The following PBX3 variants were observed in gnomAD, a reference collection of about 807,000 sequenced individuals.
The protein encoded by PBX3 is PBX homeobox 3, also known as pre-B-cell leukemia transcription factor 3.
A neutral mutation model predicts 48.5 loss-of-function variants in PBX3; 14 were observed. The ratio of observed to expected loss-of-function variants is 0.29; its 90% CI spans 0.19 to 0.45. PBX3 has a LOEUF of 0.45. Ranked by LOEUF, PBX3 falls within the 20% of genes least tolerant of loss-of-function variation. The probability of loss-of-function intolerance (pLI) is 1.00; values close to 1 mark genes in which losing one functional copy is unlikely to be tolerated. For synonymous variants in PBX3, 210 were observed against 200.3 expected, an observed-to-expected ratio of 1.05 and a Z score of -0.41; for missense variants, 386 against 546.7, an observed-to-expected ratio of 0.71 and a Z score of 2.93.
intron 2 of PBX3, among the ~76,000 whole-genome samples, chr9:125,780,431 C>A (rs1165252563): frequency 1.5e-5 from 2 of 129,334 alleles, no homozygotes; most frequent in African/African-American, 6.0e-5. Context: ...CCCCCCACCT[C>A]CCTCCCAGAC....
chr9:125,828,075 A>G (rs781548894), intron 2 of PBX3, among the ~76,000 whole-genome samples: 9 of 152,200 alleles, frequency 5.9e-5, no homozygotes, highest in Non-Finnish European at 1.2e-4. Context: ...TTTGCTGGAT[A>G]TAATGATGTG....
chr9:125,834,060 G>T (rs1192423318), intron 2 of PBX3, among the ~76,000 whole-genome samples: 1 of 152,120 alleles, frequency 6.6e-6, no homozygotes, highest in Non-Finnish European at 1.5e-5. Context: ...TCTAGATGTT[G>T]GGAATACAGC....
chr9:125,918,615 C>A (rs568413635), intron 3 of PBX3, among the ~76,000 whole-genome samples: 2 of 152,194 alleles, frequency 1.3e-5, no homozygotes, highest in South Asian at 4.1e-4. Flanking sequence ...TATATAAAAT[C>A]TGTACAGTAG....
chr9:125,929,867 T>C, intron 4 of PBX3, 22 bp downstream of exon 4: 2 of 1,534,388 alleles, frequency 1.3e-6, no homozygotes, highest in Non-Finnish European at 9.0e-7. Context: ...CATAAATCTA[T>C]TGCATGGCTT....
chr9:125,906,978 T>G (rs996982859), intron 2 of PBX3, among the ~76,000 whole-genome samples: 6 of 152,046 alleles, frequency 3.9e-5, no homozygotes, highest in African/African-American at 1.4e-4. Context: ...CCATTTACTT[T>G]CTATGTGTTT....
chr9:125,861,012 G>A (rs1369623298), intron 2 of PBX3, among the ~76,000 whole-genome samples: 1 of 151,812 alleles, frequency 6.6e-6, no homozygotes, highest in Non-Finnish European at 1.5e-5. Context: ...GCCAGGCATG[G>A]TGGCTCATCA....
At chr9:125,753,397 C>T (rs1398225772) in intron 2 of PBX3, among the ~76,000 whole-genome samples, 1 of 151,434 alleles carries the variant, frequency 6.6e-6, no homozygotes, top group East Asian at 1.9e-4. Context: ...CTTCCATTTC[C>T]ATCCTAACAA....
In PBX3 at chr9:125,747,373, C is replaced by T. The variant is rs1298075131; in HGVS notation, c.-81C>T. ...CCCCCTCCCCCTCCCCCTCTTTCTT[C>T]TCCTCCCTCGTCGCCGCCGCCGCCG... On this transcript the variant is annotated 5_prime_UTR_variant, in exon 1 of 9. Transcript: ENST00000373489. 2.3e-5 allele frequency: 8 copies of T among 343,654 alleles called. No homozygotes were observed. In the South Asian group the frequency reaches 2.7e-4, roughly 12 times the overall value. The allele number at this position is 343,654 out of a possible 1,614,324, so 21.3% of individuals were successfully genotyped here. A position where few individuals can be genotyped will look rare whatever the true frequency, so the allele number is the denominator to read the frequency against.
At chr9:125,963,154 C>T (rs535408971) in intron 8 of PBX3, 53 bp downstream of exon 8, 2 of 965,910 alleles carry the variant, frequency 2.1e-6, no homozygotes, top group East Asian at 5.2e-5. Flanking sequence ...TAAACAGTGA[C>T]TAATAAAGAA....
rs1310665296 is a variant in PBX3 at position 125,910,403 on chromosome 9, A to G, written c.275-5283A>G. Among the ~76,000 whole-genome samples the G allele has an allele frequency of 3.3e-5, 5 of 152,096 alleles. 1 individual carries two copies. Among genetic ancestry groups the G allele is most frequent in the Non-Finnish European group, 7.4e-5 (5 of 68,014 alleles). On this transcript the variant is annotated intron_variant, in intron 2 of 8. Coordinates refer to ENST00000373489, the MANE Select transcript of PBX3 (RefSeq NM_006195.6). ...TTCACTGTAATATATGGTAAGAGAC[A>G]AGTAGCTCTTTATGGCCAGTGATTA...
chr9:125,899,400 A>C (rs916921983), intron 2 of PBX3, among the ~76,000 whole-genome samples: 33 of 137,590 alleles, frequency 2.4e-4, no homozygotes, highest in African/African-American at 7.4e-4. Context: ...TAAATATACA[A>C]ATATATGTAT....
At position 125,781,060 on chromosome 9, in the gene PBX3, C is replaced by T. The variant is rs1392166177; in HGVS notation, c.274+32437C>T. On this transcript the variant is annotated intron_variant, in intron 2 of 8. Coordinates refer to ENST00000373489, the MANE Select transcript of PBX3 (RefSeq NM_006195.6). ...ACTGGGCAGCCAGGCAGAGGGGCTC[C>T]TCACGTCCCAGACGATGGGCAGCCA... Among the ~76,000 whole-genome samples, 85 of 139,444 alleles carry T rather than the reference C, an allele frequency of 6.1e-4. 1 individual carries two copies. Among genetic ancestry groups the T allele is most frequent in the Non-Finnish European group, 8.6e-4 (56 of 65,472 alleles). 91.5% of individuals were successfully genotyped at this position (139,444 alleles called of 152,430 possible).
chr9:125,895,041 C>G (rs116521611), intron 2 of PBX3, among the ~76,000 whole-genome samples: 311 of 152,136 alleles, frequency 2.0e-3, no homozygotes, highest in Non-Finnish European at 3.6e-3. Context: ...GTGTCAGTCT[C>G]CTCAAAAAAG....
At chr9:125,801,790 T>TACAC (rs367989628) in intron 2 of PBX3, among the ~76,000 whole-genome samples, 8,402 of 146,208 alleles carry the variant, frequency 0.057, 261 homozygotes, top group Middle Eastern at 0.089. Flanking sequence ...TGTATACACA[T>TACAC]ACACACACAC....
intron 3 of PBX3, among the ~76,000 whole-genome samples, chr9:125,922,962 C>T (rs1276895039): frequency 2.0e-5 from 3 of 151,752 alleles, no homozygotes; most frequent in African/African-American, 4.9e-5. Flanking sequence ...AGCTAAAGTG[C>T]ACACTACATA....
At chr9:125,856,245 G>A (rs1489271890) in intron 2 of PBX3, among the ~76,000 whole-genome samples, 2 of 152,060 alleles carry the variant, frequency 1.3e-5, no homozygotes, top group African/African-American at 4.8e-5. Flanking sequence ...CCCAAGTGGG[G>A]CCTCTTTTTG....
chr9:125,902,617 A>T (rs1419715666), intron 2 of PBX3, among the ~76,000 whole-genome samples: 1 of 151,760 alleles, frequency 6.6e-6, no homozygotes, highest in Non-Finnish European at 1.5e-5. Context: ...TGATGAAAAT[A>T]TTTCAATATG....
At chr9:125,937,009 C>T (rs1000049935) in intron 5 of PBX3, among the ~76,000 whole-genome samples, 4 of 152,254 alleles carry the variant, frequency 2.6e-5, no homozygotes, top group South Asian at 2.1e-4. Context: ...TGCCGAACAC[C>T]GGATGATGAT....
At chr9:125,912,125 A>G (rs888457007) in intron 2 of PBX3, among the ~76,000 whole-genome samples, 3 of 152,138 alleles carry the variant, frequency 2.0e-5, no homozygotes, top group African/African-American at 7.2e-5. Context: ...TCATTGTGTT[A>G]CAGTGTTCTT....
Sources: allele counts gnomAD v4.1 joint callset (sites outside exome capture counted in the v4.1 genomes callset), GRCh38; gene constraint gnomAD v4.1.1; transcripts MANE v1.5; gene names NCBI Gene and HGNC (gene_info 2026-07-23, HGNC 2026-07-21).